CBFA2T2: variants seen among roughly 807,000 people sequenced by gnomAD.
The protein encoded by CBFA2T2 is CBFA2/RUNX1 partner transcriptional co-repressor 2.
In CBFA2T2, 11 loss-of-function variants were observed where a neutral mutation model predicts 62.2. That is an observed-to-expected ratio of 0.18 (90% confidence interval 0.11 to 0.29). CBFA2T2 has a LOEUF of 0.29. Among genes scored for constraint, CBFA2T2 ranks in the 10% least tolerant of loss-of-function variants. The probability of loss-of-function intolerance (pLI) is 1.00; values close to 1 mark genes in which losing one functional copy is unlikely to be tolerated. For missense variants in CBFA2T2, 592 were observed against 774.1 expected (o/e 0.76, Z 2.79); for synonymous variants, 295 against 287.5 (o/e 1.03, Z -0.27).
chr20:33,624,681 C>A, intron 5 of CBFA2T2, 83 bp from the exon 6 acceptor site: 1 of 1,481,300 alleles, frequency 6.8e-7, no homozygotes, highest in East Asian at 2.3e-5. Context: ...TAGCAAAATA[C>A]CTAATACATA....
At chr20:33,610,904 C>T (rs1190223801) in intron 2 of CBFA2T2, among the ~76,000 whole-genome samples, 190 bp from the exon 3 acceptor site, 2 of 152,182 alleles carry the variant, frequency 1.3e-5, no homozygotes, top group African/African-American at 2.4e-5. Context: ...CTTTTTAACG[C>T]TCCAGTGTTA....
intron 8 of CBFA2T2, among the ~76,000 whole-genome samples, chr20:33,632,291 A>C (rs2016482419): frequency 6.6e-6 from 1 of 151,756 alleles, no homozygotes; most frequent in Admixed American, 6.6e-5. Flanking sequence ...TGATCCACCC[A>C]CCTTGGCCTC....
intron 1 of CBFA2T2, among the ~76,000 whole-genome samples, chr20:33,584,790 T>G (rs2014292720): frequency 6.6e-6 from 1 of 152,220 alleles, no homozygotes; most frequent in African/African-American, 2.4e-5. Flanking sequence ...GCAGACTTAA[T>G]TGCTTATTTT....
intron 1 of CBFA2T2, among the ~76,000 whole-genome samples, chr20:33,568,667 T>C (rs969121034): frequency 1.4e-4 from 21 of 152,208 alleles, no homozygotes; most frequent in South Asian, 8.3e-4. Context: ...TAGCTCATTG[T>C]TTCTGTAGGA....
chr20:33,574,295 T>C (rs777275925), intron 1 of CBFA2T2: 1 of 1,591,406 alleles, frequency 6.3e-7, no homozygotes, highest in Non-Finnish European at 8.6e-7. Flanking sequence ...AATAGAGGAC[T>C]AATTTAATAA....
chr20:33,623,529 A>G (rs539759629), intron 5 of CBFA2T2, among the ~76,000 whole-genome samples: 9 of 152,134 alleles, frequency 5.9e-5, no homozygotes, highest in African/African-American at 2.2e-4. Context: ...AGTATCTGGG[A>G]TTACAGGCAC....
chr20:33,580,755 A>G (rs1211301272), intron 1 of CBFA2T2, among the ~76,000 whole-genome samples: 1 of 152,148 alleles, frequency 6.6e-6, no homozygotes, highest in Non-Finnish European at 1.5e-5. Flanking sequence ...TAGGAGGCCA[A>G]GGTGGGAGAA....
intron 5 of CBFA2T2, chr20:33,624,031 G>C: frequency 1.9e-6 from 1 of 536,934 alleles, no homozygotes. Flanking sequence ...TATGTCAAAC[G>C]CATTTTTTTC....
At position 33,606,993 on chromosome 20, in the gene CBFA2T2, G is replaced by T; in HGVS notation, c.72G>T (p.Ser24=). ...AAAGGGTGCCAGCGATGCCTGGATCGCCTGTGGAAGTGAAGATACAGTCCA... is the reference window on the plus strand; with the variant it reads ...AAAGGGTGCCAGCGATGCCTGGATCTCCTGTGGAAGTGAAGATACAGTCCA... ...PEKRVPAMPG[S]PVEVKIQSRS... is the part of the protein sequence containing the mutation. The change falls in exon 2 of 11, where the codon TCG becomes TCT. Residue 24 remains serine, a synonymous_variant. Coordinates refer to ENST00000342704, the MANE Select transcript of CBFA2T2 (RefSeq NM_001032999.3). The T allele has an allele frequency of 6.2e-7, 1 of 1,613,834 alleles. No individual in the cohort carries two copies. Among genetic ancestry groups the T allele is most frequent in the Non-Finnish European group, 8.5e-7 (1 of 1,179,836 alleles).
chr20:33,560,337 T>C (rs2013039979), intron 1 of CBFA2T2, among the ~76,000 whole-genome samples: 1 of 152,356 alleles, frequency 6.6e-6, no homozygotes, highest in Admixed American at 6.5e-5. Context: ...CAGTGGGGTG[T>C]AGTGCTCTAG....
Position 33,649,850 on chromosome 20 carries a change from A to G in CBFA2T2, c.*5204A>G, listed in dbSNP as rs757633541. ...TTTAAAGGGGGATGATGAATGTGAC[A>G]CCACCCACAGAATGCATTAGAATCT... On this transcript the variant is annotated 3_prime_UTR_variant, in exon 11 of 11. Coordinates refer to ENST00000342704, the MANE Select transcript of CBFA2T2 (RefSeq NM_001032999.3). The G allele has an allele frequency of 1.3e-5, 2 of 152,614 alleles. No individual in the cohort carries two copies. Among genetic ancestry groups the G allele is most frequent in the African/African-American group, 4.8e-5 (2 of 41,444 alleles). 9.5% of individuals were successfully genotyped at this position (152,614 alleles called of 1,614,324 possible). A position where few individuals can be genotyped will look rare whatever the true frequency, so the allele number is the denominator to read the frequency against.
At chr20:33,595,569 T>G (rs927298434) in intron 1 of CBFA2T2, among the ~76,000 whole-genome samples, 4 of 151,932 alleles carry the variant, frequency 2.6e-5, no homozygotes, top group African/African-American at 9.7e-5. Context: ...TTATTTTTTT[T>G]GAGAGCGGGC....
chr20:33,583,091 T>A (rs1002007696), intron 1 of CBFA2T2, among the ~76,000 whole-genome samples: 1 of 152,228 alleles, frequency 6.6e-6, no homozygotes, highest in Non-Finnish European at 1.5e-5. Context: ...CCTTTTACAT[T>A]ATATCAAGAC....
chr20:33,537,243 G>C (rs903571923), intron 1 of CBFA2T2, among the ~76,000 whole-genome samples: 10 of 152,256 alleles, frequency 6.6e-5, no homozygotes, highest in Non-Finnish European at 1.3e-4. Flanking sequence ...CCGGCACCTC[G>C]CGAGGCCGAG....
chr20:33,560,149 G>T (rs1199811509), intron 1 of CBFA2T2, among the ~76,000 whole-genome samples: 1 of 152,192 alleles, frequency 6.6e-6, no homozygotes, highest in South Asian at 2.1e-4. Context: ...CTGCTGTCAA[G>T]ATGGCTTACT....
intron 1 of CBFA2T2, among the ~76,000 whole-genome samples, chr20:33,590,077 T>TA (rs529680328): frequency 0.014 from 2,037 of 144,638 alleles, 42 homozygotes; most frequent in African/African-American, 0.047. Flanking sequence ...ACCCTGTCTC[T>TA]AAAAAAAAAA....
At chr20:33,592,380 A>ATATATATATATATAATTATGTAAAAAT in intron 1 of CBFA2T2, among the ~76,000 whole-genome samples, 1 of 147,174 alleles carries the variant, frequency 6.8e-6, no homozygotes, top group African/African-American at 2.5e-5. Context: ...AATTTTATAT[A>ATATATATATATATAATTATGTAAAAAT]TATATATATA....
At chr20:33,642,437 G>A (rs1299825381) in intron 10 of CBFA2T2, among the ~76,000 whole-genome samples, 1 of 151,486 alleles carries the variant, frequency 6.6e-6, no homozygotes, top group Non-Finnish European at 1.5e-5. Flanking sequence ...CCCCATTTCT[G>A]CCAAAAAAAA....
chr20:33,512,661 G>A (rs2011530394), intron 1 of CBFA2T2, among the ~76,000 whole-genome samples: 1 of 152,000 alleles, frequency 6.6e-6, no homozygotes, highest in Non-Finnish European at 1.5e-5. Flanking sequence ...CTGCTGTTGA[G>A]GTATATTCTG....
Sources: gnomAD v4.1 joint callset for allele counts (sites outside exome capture counted in the v4.1 genomes callset) on GRCh38, gnomAD v4.1.1 for gene constraint, MANE v1.5 for transcripts, NCBI Gene and HGNC (gene_info 2026-07-23, HGNC 2026-07-21) for gene names.